CD200: variants seen among roughly 807,000 people sequenced by gnomAD.
The protein encoded by CD200 is OX-2 membrane glycoprotein.
CD200 carries 15 observed loss-of-function variants against 30.9 expected under a neutral mutation model. The ratio of observed to expected loss-of-function variants is 0.49; its 90% confidence interval spans 0.32 to 0.75. CD200 has a LOEUF of 0.75. Ranked by LOEUF, CD200 falls within the 30% of genes least tolerant of loss-of-function variation. CD200 has a pLI of 0.03. For missense variants in CD200, 262 were observed against 324.2 expected (o/e 0.81, Z 1.47); for synonymous variants, 134 against 126.2 (o/e 1.06, Z -0.41).
intron 5 of CD200, among the ~76,000 whole-genome samples, chr3:112,356,764 T>C (rs1273260293): frequency 6.6e-6 from 1 of 152,264 alleles, no homozygotes; most frequent in Non-Finnish European, 1.5e-5. Context: ...TTCTAGTCAG[T>C]CATTTTTATT....
rs1404732424 is a variant in CD200 at position 112,346,651 on chromosome 3, T to C, written c.422-907T>C. 2.6e-5 allele frequency among the ~76,000 whole-genome samples: 4 copies of C among 152,208 alleles called. No individual in the cohort carries two copies. In the East Asian group the frequency reaches 7.7e-4, roughly 29 times the overall value. ...CAGAGCCACAGTTCCATAGCCCTACTTCCCCAACCCAGTGTCTTCTACCTG... is the reference window on the plus strand; with the variant it reads ...CAGAGCCACAGTTCCATAGCCCTACCTCCCCAACCCAGTGTCTTCTACCTG... On this transcript the variant is annotated intron_variant, in intron 3 of 5. Transcript: ENST00000315711.
rs1285357867 is a variant in CD200, at chr3:112,362,151, A to G, written c.*601A>G. On this transcript the variant is annotated 3_prime_UTR_variant, in exon 6 of 6. Transcript: ENST00000315711. ...TCCAGTTCCTGCTTACTGCTTTGCT[A>G]ATAGCTGGCCTTGCTAGAATCCTTG... 2.0e-5 allele frequency: 3 copies of G among 152,240 alleles called. No homozygotes were observed. The highest frequency in any genetic ancestry group is 4.4e-5 in the Non-Finnish European group (3 of 68,108). The allele number at this position is 152,240 out of a possible 1,614,324, so 9.4% of individuals were successfully genotyped here.
upstream of CD200, chr3:112,333,064 G>A: frequency 8.6e-7 from 1 of 1,158,288 alleles, no homozygotes; most frequent in Non-Finnish European, 1.2e-6. Flanking sequence ...GTGAGGGCGT[G>A]GGGAAAACGG....
intron 5 of CD200, among the ~76,000 whole-genome samples, chr3:112,358,086 A>G (rs906325521): frequency 3.3e-5 from 5 of 152,038 alleles, no homozygotes; most frequent in African/African-American, 1.2e-4. Context: ...ACACGCGCAC[A>G]CACACGCACA....
intron 4 of CD200, among the ~76,000 whole-genome samples, chr3:112,349,126 A>G (rs183034518): frequency 2.7e-4 from 41 of 152,290 alleles, no homozygotes; most frequent in Admixed American, 2.7e-3. Context: ...CAAATCAAGG[A>G]GTTCCTCATT....
At chr3:112,348,472 C>T (rs2081454799) in intron 4 of CD200, among the ~76,000 whole-genome samples, 1 of 152,190 alleles carries the variant, frequency 6.6e-6, no homozygotes, top group Non-Finnish European at 1.5e-5. Context: ...ACTACTGTCT[C>T]TGGGCCTCAT....
chr3:112,347,161 G>T (rs1488032165), intron 3 of CD200, among the ~76,000 whole-genome samples: 1 of 152,238 alleles, frequency 6.6e-6, no homozygotes, highest in Non-Finnish European at 1.5e-5. Flanking sequence ...GTGCTGGTTG[G>T]TGGTTATTGT....
chr3:112,333,085 G>A, upstream of CD200: 1 of 1,405,090 alleles, frequency 7.1e-7, no homozygotes, highest in Non-Finnish European at 9.7e-7. Flanking sequence ...AGTGGGAGAA[G>A]GGGGCTAGCG....
intron 3 of CD200, 101 bp downstream of exon 3, chr3:112,345,389 G>T: frequency 1.1e-6 from 1 of 914,928 alleles, no homozygotes; most frequent in Non-Finnish European, 1.7e-6. Flanking sequence ...TTTAACCACA[G>T]AAAGGGTCAT....
At position 112,345,047 on chromosome 3, in the gene CD200, C is replaced by T. The variant is rs2081353080; in HGVS notation, c.180C>T (p.Leu60=). The T allele has an allele frequency of 6.2e-7, 1 of 1,613,972 alleles. No homozygotes were observed. Among genetic ancestry groups the T allele is most frequent in the African/African-American group, 1.3e-5 (1 of 74,922 alleles). The part of the protein sequence containing the change: ...KCSLQNAQEA[L]IVTWQKKKAV... ...CTCTGCAAAATGCCCAGGAAGCCCT[C>T]ATTGTGACATGGCAGAAAAAGAAAG... The change falls in exon 3 of 6, where the codon CTC becomes CTT. Residue 60 remains leucine (L), a synonymous_variant. Coordinates refer to ENST00000315711, the MANE Select transcript of CD200 (RefSeq NM_005944.7).
chr3:112,352,165 T>C (rs926620640), intron 5 of CD200, among the ~76,000 whole-genome samples: 1 of 152,156 alleles, frequency 6.6e-6, no homozygotes, highest in Non-Finnish European at 1.5e-5. Flanking sequence ...CAAGAGTCAA[T>C]TATGCTGAAG....
intron 1 of CD200, chr3:112,335,770 A>T (rs915592935): frequency 4.7e-6 from 3 of 636,350 alleles, no homozygotes; most frequent in Non-Finnish European, 8.5e-6. Context: ...TGAATGCTGA[A>T]GAAGAGCCCT....
intron 2 of CD200, among the ~76,000 whole-genome samples, chr3:112,344,081 CTAA>C (rs1272212130): frequency 3.3e-5 from 5 of 152,264 alleles, no homozygotes; most frequent in African/African-American, 9.6e-5. Flanking sequence ...TTCTATATCT[CTAA>C]TTTCTACTAT....
At chr3:112,346,017 T>C (rs890803591) in intron 3 of CD200, among the ~76,000 whole-genome samples, 6 of 152,172 alleles carry the variant, frequency 3.9e-5, no homozygotes, top group Admixed American at 3.3e-4. Flanking sequence ...GACAAACTTA[T>C]GGTTATTAGG....
chr3:112,338,097 C>T (rs780384170), intron 1 of CD200, among the ~76,000 whole-genome samples: 3 of 152,092 alleles, frequency 2.0e-5, no homozygotes, highest in Non-Finnish European at 2.9e-5. Context: ...ACCAACTATA[C>T]GGGCAAAAGT....
At chr3:112,339,282 AG>A (rs1172637259) in intron 1 of CD200, among the ~76,000 whole-genome samples, 1 of 152,230 alleles carries the variant, frequency 6.6e-6, no homozygotes, top group Non-Finnish European at 1.5e-5. Flanking sequence ...TAGTTTCAAA[AG>A]CCAAAATTTT....
rs2081574096 is a variant in CD200, at chr3:112,353,489, A to G, written c.802+3670A>G. ...TTTATCTTGATTTCCTTCTCTTCAC[A>G]ATAACCTAACCTATGAATGGGTTCC... On this transcript the variant is annotated intron_variant, in intron 5 of 5. Transcript: ENST00000315711. 2.6e-5 allele frequency among the ~76,000 whole-genome samples: 4 copies of G among 152,122 alleles called. No individual in the cohort carries two copies. The South Asian group carries it at 8.3e-4, about 32-fold the overall frequency.
rs901985280 is a variant in CD200 at position 112,361,420 on chromosome 3, C to T, written c.803-123C>T. 12 of 821,426 alleles carry T rather than the reference C, an allele frequency of 1.5e-5. No individual in the cohort carries two copies. In the East Asian group the frequency reaches 3.1e-4, roughly 21 times the overall value. The allele number at this position is 821,426 out of a possible 1,614,324, so 50.9% of individuals were successfully genotyped here. On this transcript the variant is annotated intron_variant, in intron 5 of 5. Transcript: ENST00000315711. ...AGAAATGTCTACTTCTTTATCTTTG[C>T]CAATGAATATACACTAGAATAACTC...
intron 4 of CD200, among the ~76,000 whole-genome samples, 156 bp from the exon 5 acceptor site, chr3:112,349,556 T>C (rs776418304): frequency 7.2e-5 from 11 of 152,218 alleles, no homozygotes; most frequent in Non-Finnish European, 1.2e-4. Flanking sequence ...TAGCTATTAC[T>C]AATATCTAAA....
Sources: gnomAD v4.1 joint callset for allele counts (sites outside exome capture counted in the v4.1 genomes callset) on GRCh38, gnomAD v4.1.1 for gene constraint, MANE v1.5 for transcripts, NCBI Gene and HGNC (gene_info 2026-07-23, HGNC 2026-07-21) for gene names.